ITIH5: variants seen among roughly 807,000 people sequenced by gnomAD.
The protein encoded by ITIH5 is inter-alpha-trypsin inhibitor heavy chain H5.
A neutral mutation model predicts 77.5 loss-of-function variants in ITIH5; 65 were observed. The observed-to-expected ratio is 0.84, with a 90% CI of 0.69 to 1.03. The LOEUF (loss-of-function observed/expected upper bound fraction) is 1.03. ITIH5 is among the 50% of genes least tolerant of loss of function. The pLI is 0.00. For missense variants in ITIH5, 1,208 were observed against 1,213.1 expected (o/e 1.00, Z 0.06); for synonymous variants, 525 against 494.3 (o/e 1.06, Z -0.82).
intron 5 of ITIH5, among the ~76,000 whole-genome samples, chr10:7,629,352 T>C (rs1833669666): frequency 2.9e-5 from 4 of 136,812 alleles, no homozygotes; most frequent in Admixed American, 1.6e-4. Flanking sequence ...TGTTGTAGCG[T>C]GTGTCCCTGT....
intron 1 of ITIH5, among the ~76,000 whole-genome samples, chr10:7,662,032 A>G (rs1834284603): frequency 2.0e-5 from 3 of 152,200 alleles, no homozygotes; most frequent in African/African-American, 7.2e-5. Context: ...AACTGCCATT[A>G]GGCAAGTCAC....
chr10:7,591,083 G>C lies in ITIH5; in HGVS notation c.940-5014C>G, dbSNP rs140724871. On this transcript the variant is annotated intron_variant, in intron 7 of 13. Transcript: ENST00000397146. ...AGCTAATTTTTTCTATTTTAGTAGA[G>C]ACGGGGTTTCACCATGTTGGCCAGG... Among the ~76,000 whole-genome samples, 588 of 152,274 alleles carry C rather than the reference G, an allele frequency of 3.9e-3. 6 individuals are homozygous for C. The highest frequency in any genetic ancestry group is 0.014 in the African/African-American group (566 of 41,554).
intron 1 of ITIH5, 63 bp from the exon 2 acceptor site, chr10:7,655,738 T>C: frequency 7.9e-7 from 1 of 1,259,682 alleles, no homozygotes; most frequent in Non-Finnish European, 1.2e-6. Context: ...TGAAATATGA[T>C]TGTGAGGTCA....
Position 7,666,856 on chromosome 10 carries a change from G to A in ITIH5, c.37C>T (p.Leu13=), listed in dbSNP as rs773868776. ...LLLGLCLGLS[L]CVGSQEEAQS... is the part of the protein sequence containing the mutation. Reference sequence around the variant, plus strand: ...GCCTCTTCCTGCGACCCCACACACAGGGACAGCCCCAGGCACAGCCCCAGC... The same window carrying A: ...GCCTCTTCCTGCGACCCCACACACAAGGACAGCCCCAGGCACAGCCCCAGC... Residue 13 remains leucine (L), a synonymous_variant, in exon 1 of 14, where the codon CTG becomes TTG. Coordinates refer to ENST00000397146, the MANE Select transcript of ITIH5 (RefSeq NM_030569.7). 8.7e-6 allele frequency: 14 copies of A among 1,608,248 alleles called. No individual in the cohort carries two copies. Among genetic ancestry groups the A allele is most frequent in the Non-Finnish European group, 1.2e-5 (14 of 1,177,952 alleles).
At position 7,655,624 on chromosome 10, in the gene ITIH5, T is replaced by C. The variant is rs1834168850; in HGVS notation, c.135+7A>G. On this transcript the variant is annotated splice_region_variant and intron_variant, in intron 2 of 13. Transcript: ENST00000397146. ...GGACTTTCAAGATGCACCATGAATA[T>C]ACCTACCAGCCTCTGCAACAGTCTG... 4 of 1,608,114 alleles carry C rather than the reference T, an allele frequency of 2.5e-6. No homozygotes were observed. The highest frequency in any genetic ancestry group is 4.5e-5 in the East Asian group (2 of 44,840).
chr10:7,650,715 G>A (rs1308996786), intron 2 of ITIH5, among the ~76,000 whole-genome samples: 1 of 148,712 alleles, frequency 6.7e-6, no homozygotes, highest in African/African-American at 2.5e-5. Flanking sequence ...CAGCCTGGGT[G>A]ACAAGAGCAA....
In ITIH5 at chr10:7,642,097, G is replaced by GAA. The variant is rs1386069541; in HGVS notation, c.136-9_136-8dup. The GAA allele has an allele frequency of 1.2e-6, 2 of 1,612,104 alleles. No individual in the cohort carries two copies. Among genetic ancestry groups the GAA allele is most frequent in the Non-Finnish European group, 1.7e-6 (2 of 1,178,670 alleles). ...TCATCAAAGGTTTGGTTTTCTGTAG[G>GAA]AATGAAAACACACAGTATCATCGGT... On this transcript the variant is annotated splice_region_variant and splice_polypyrimidine_tract_variant and intron_variant, in intron 2 of 13. Coordinates refer to ENST00000397146, the MANE Select transcript of ITIH5 (RefSeq NM_030569.7).
At chr10:7,572,345 A>G (rs1008647101) in intron 11 of ITIH5, 83 of 1,367,538 alleles carry the variant, frequency 6.1e-5, no homozygotes, top group Non-Finnish European at 7.9e-5. Context: ...ATGCTGGCAA[A>G]AGGAAATTTC....
At chr10:7,580,545 G>T (rs1358105215) in intron 8 of ITIH5, among the ~76,000 whole-genome samples, 1 of 152,232 alleles carries the variant, frequency 6.6e-6, no homozygotes, top group Non-Finnish European at 1.5e-5. Context: ...TAAGTGAATG[G>T]GGATTATCCC....
intron 10 of ITIH5, among the ~76,000 whole-genome samples, chr10:7,574,128 T>G (rs1049353868): frequency 1.3e-5 from 2 of 152,238 alleles, no homozygotes; most frequent in African/African-American, 4.8e-5. Flanking sequence ...CACTTTGTAT[T>G]TCAAAGTACT....
intron 7 of ITIH5, among the ~76,000 whole-genome samples, chr10:7,603,816 C>T (rs1390757109): frequency 2.6e-5 from 4 of 152,164 alleles, no homozygotes; most frequent in East Asian, 1.9e-4. Flanking sequence ...ATCTCCTGAC[C>T]TTGTGATCCG....
intron 8 of ITIH5, among the ~76,000 whole-genome samples, chr10:7,583,034 T>C (rs893886669): frequency 6.6e-6 from 1 of 152,192 alleles, no homozygotes; most frequent in African/African-American, 2.4e-5. Flanking sequence ...AGGTGATGGA[T>C]ATCTCATTTA....
At chr10:7,594,073 G>T (rs1411144007) in intron 7 of ITIH5, among the ~76,000 whole-genome samples, 1 of 152,250 alleles carries the variant, frequency 6.6e-6, no homozygotes, top group Admixed American at 6.5e-5. Flanking sequence ...GTCAGACTCT[G>T]CCAGGAGCAC....
intron 7 of ITIH5, among the ~76,000 whole-genome samples, chr10:7,588,876 T>G (rs1187202243): frequency 6.6e-6 from 1 of 152,232 alleles, no homozygotes; most frequent in African/African-American, 2.4e-5. Flanking sequence ...ATTTTACAGA[T>G]GGGGCAACTG....
chr10:7,644,682 A>G (rs1316247320), intron 2 of ITIH5, among the ~76,000 whole-genome samples: 1 of 140,072 alleles, frequency 7.1e-6, no homozygotes, highest in African/African-American at 2.6e-5. Flanking sequence ...TCACATATAT[A>G]TCATATATAT....
chr10:7,620,430 C>G (rs1370571113), intron 5 of ITIH5: 1 of 152,118 alleles, frequency 6.6e-6, no homozygotes, highest in African/African-American at 2.4e-5. Context: ...CACTGCTGAC[C>G]TTTGAAGGCC....
Position 7,629,259 on chromosome 10 carries a change from GCGTGTGTC to G in ITIH5, c.652+7961_652+7968del, listed in dbSNP as rs1286448310. ...TGTTGTAGCGTGTGTCCATGTTGTAGCGTGTGTCCATGTTGTAGCGTGTGTCCCTGTTG... is the reference window on the plus strand; with the variant it reads ...TGTTGTAGCGTGTGTCCATGTTGTAGCATGTTGTAGCGTGTGTCCCTGTTG... On this transcript the variant is annotated intron_variant, in intron 5 of 13. Transcript: ENST00000397146. Among the ~76,000 whole-genome samples the G allele has an allele frequency of 3.5e-3, 436 of 125,590 alleles. 22 individuals carry two copies. The highest frequency in any genetic ancestry group is 0.013 in the African/African-American group (419 of 32,708). The allele number at this position is 125,590 out of a possible 152,430, so 82.4% of individuals were successfully genotyped here.
intron 7 of ITIH5, among the ~76,000 whole-genome samples, chr10:7,597,962 C>T (rs77929919): frequency 0.012 from 1,879 of 151,882 alleles, 18 homozygotes; most frequent in Non-Finnish European, 0.019. Context: ...GTAAGAAGAA[C>T]CAGTTCGCCA....
intron 1 of ITIH5, among the ~76,000 whole-genome samples, chr10:7,664,054 G>C (rs890944039): frequency 6.6e-6 from 1 of 152,014 alleles, no homozygotes; most frequent in Non-Finnish European, 1.5e-5. Flanking sequence ...TTTATACAAG[G>C]GATTTTCTTT....
Sources: allele counts gnomAD v4.1 joint callset (sites outside exome capture counted in the v4.1 genomes callset), GRCh38; gene constraint gnomAD v4.1.1; transcripts MANE v1.5; gene names NCBI Gene and HGNC (gene_info 2026-07-23, HGNC 2026-07-21).